POLN: variants seen among roughly 807,000 people sequenced by gnomAD.
POLN encodes DNA polymerase nu, also known as DNA polymerase N.
Under a neutral mutation model 113.5 loss-of-function variants are expected in POLN, and 108 were observed. The ratio of observed to expected loss-of-function variants is 0.95; its 90% CI spans 0.81 to 1.12. POLN has a LOEUF of 1.12. POLN is among the 50% of genes most tolerant of loss of function. The pLI is 0.00. For missense variants in POLN, 1,097 were observed against 1,077.1 expected (o/e 1.02, Z -0.26); for synonymous variants, 386 against 391.5 (o/e 0.99, Z 0.17).
intron 3 of POLN, among the ~76,000 whole-genome samples, chr4:2,216,052 C>A (rs548612971): frequency 6.6e-6 from 1 of 152,332 alleles, no homozygotes; most frequent in Non-Finnish European, 1.5e-5. Flanking sequence ...ATGAGGTGGC[C>A]AATCACATCA....
At chr4:2,105,165 C>T (rs1477926766) in intron 19 of POLN, among the ~76,000 whole-genome samples, 4 of 152,214 alleles carry the variant, frequency 2.6e-5, no homozygotes, top group Non-Finnish European at 4.4e-5. Flanking sequence ...AAGCACACCA[C>T]CCACCCTGCT....
intron 19 of POLN, among the ~76,000 whole-genome samples, chr4:2,107,035 G>A (rs1731082462): frequency 6.6e-6 from 1 of 151,920 alleles, no homozygotes; most frequent in African/African-American, 2.4e-5. Flanking sequence ...TGTCTTTTCT[G>A]TGCTATTCTA....
At chr4:2,139,489 T>C (rs930449768) in intron 16 of POLN, among the ~76,000 whole-genome samples, 1 of 152,196 alleles carries the variant, frequency 6.6e-6, no homozygotes, top group South Asian at 2.1e-4. Flanking sequence ...TGGAACCTGC[T>C]CTGCATATGT....
intron 13 of POLN, among the ~76,000 whole-genome samples, chr4:2,161,182 C>T (rs1028367517): frequency 1.3e-5 from 2 of 152,226 alleles, no homozygotes; most frequent in African/African-American, 2.4e-5. Context: ...CTTGAGGAGC[C>T]CTTCAGCCCA....
chr4:2,215,174 C>T (rs1405737746), intron 3 of POLN, among the ~76,000 whole-genome samples: 1 of 152,042 alleles, frequency 6.6e-6, no homozygotes, highest in African/African-American at 2.4e-5. Flanking sequence ...GAATAAATTA[C>T]ATAATATCCA....
intron 3 of POLN, among the ~76,000 whole-genome samples, chr4:2,213,917 A>C (rs1429830680): frequency 1.3e-5 from 2 of 152,242 alleles, no homozygotes; most frequent in African/African-American, 4.8e-5. Context: ...TTAATAAAAT[A>C]ATTTCAAAGT....
intron 7 of POLN, among the ~76,000 whole-genome samples, chr4:2,191,658 T>A (rs529510): frequency 0.98 from 149,464 of 152,300 alleles, 73,354 homozygotes; most frequent in East Asian, 1. Context: ...AAAAAAAGAA[T>A]AAAAGATTAT....
intron 19 of POLN, among the ~76,000 whole-genome samples, chr4:2,106,050 CT>C (rs944800604): frequency 8.6e-5 from 13 of 151,184 alleles, no homozygotes; most frequent in Non-Finnish European, 1.8e-4. Flanking sequence ...CTCCGGTACT[CT>C]TTTTTTTTCT....
intron 14 of POLN, 45 bp from the exon 15 acceptor site, chr4:2,157,956 T>C: frequency 6.7e-7 from 1 of 1,497,420 alleles, no homozygotes; most frequent in African/African-American, 1.4e-5. Flanking sequence ...AAGTCTTAAG[T>C]CTTTTTTTGT....
chr4:2,194,753 G>A (rs945456854), intron 6 of POLN, among the ~76,000 whole-genome samples: 4 of 152,118 alleles, frequency 2.6e-5, no homozygotes, highest in East Asian at 1.9e-4. Flanking sequence ...GCGTGGTGGT[G>A]CATGCCTGTA....
chr4:2,173,951 T>G lies in POLN; in HGVS notation c.1374+4A>C. On this transcript the variant is annotated splice_donor_region_variant and intron_variant, in intron 11 of 25. Transcript: ENST00000511885. Reference sequence around the variant, plus strand: ...AGTACAAACCATCTGGAATAATAACTTACCCCAAGAAGTGCTGACGTCTTC... The same window carrying G: ...AGTACAAACCATCTGGAATAATAACGTACCCCAAGAAGTGCTGACGTCTTC... 1 of 1,613,920 alleles carries G rather than the reference T, an allele frequency of 6.2e-7. No homozygotes were observed. Among genetic ancestry groups the G allele is most frequent in the Non-Finnish European group, 8.5e-7 (1 of 1,179,794 alleles).
chr4:2,198,458 C>G (rs1733632483), intron 6 of POLN, 66 bp downstream of exon 6: 2 of 1,379,698 alleles, frequency 1.4e-6, no homozygotes, highest in Admixed American at 2.5e-5. Flanking sequence ...GGACCTTGAG[C>G]AAGTTTCCAT....
intron 14 of POLN, among the ~76,000 whole-genome samples, chr4:2,158,909 G>A (rs1050329709): frequency 2.0e-5 from 3 of 152,124 alleles, no homozygotes; most frequent in East Asian, 1.9e-4. Flanking sequence ...ACCTACTTCC[G>A]ATTCCTCATT....
chr4:2,120,165 A>T (rs1002045794), intron 19 of POLN, among the ~76,000 whole-genome samples: 2 of 152,292 alleles, frequency 1.3e-5, no homozygotes, highest in Non-Finnish European at 2.9e-5. Flanking sequence ...ATATATATAA[A>T]GTTTTAATAT....
At chr4:2,235,565 A>G (rs185955261) in intron 2 of POLN, among the ~76,000 whole-genome samples, 19 of 152,368 alleles carry the variant, frequency 1.2e-4, no homozygotes, top group African/African-American at 4.6e-4. Context: ...ACTATGAATG[A>G]ACTATATAGC....
intron 3 of POLN, among the ~76,000 whole-genome samples, chr4:2,223,289 G>T (rs1484527068): frequency 6.6e-6 from 1 of 152,172 alleles, no homozygotes; most frequent in Non-Finnish European, 1.5e-5. Context: ...TCTGTAGTCT[G>T]CTAGGAACAA....
intron 20 of POLN, 62 bp downstream of exon 20, chr4:2,095,789 C>T: frequency 6.9e-7 from 1 of 1,449,230 alleles, no homozygotes; most frequent in Non-Finnish European, 9.7e-7. Context: ...CATTTAAACA[C>T]AGGCACACAG....
In POLN at chr4:2,173,938, C is replaced by G. The variant is rs1191164914; in HGVS notation, c.1374+17G>C. The G allele has an allele frequency of 6.2e-7, 1 of 1,612,264 alleles. No individual in the cohort carries two copies. The highest frequency in any genetic ancestry group is 8.5e-7 in the Non-Finnish European group (1 of 1,178,412). On this transcript the variant is annotated intron_variant, in intron 11 of 25. Transcript: ENST00000511885. The stretch of plus-strand genomic sequence containing the variant: ...GAAAGAGATGGCCAGTACAAACCAT[C>G]TGGAATAATAACTTACCCCAAGAAG...
At chr4:2,155,679 T>C (rs941661031) in intron 16 of POLN, among the ~76,000 whole-genome samples, 5 of 152,160 alleles carry the variant, frequency 3.3e-5, no homozygotes, top group African/African-American at 1.2e-4. Context: ...TTCATATTTA[T>C]ATATATATGT....
Sources: allele counts gnomAD v4.1 joint callset (sites outside exome capture counted in the v4.1 genomes callset), GRCh38; gene constraint gnomAD v4.1.1; transcripts MANE v1.5; gene names NCBI Gene and HGNC (gene_info 2026-07-23, HGNC 2026-07-21).